Variants in AGBL5 observed in about 807,000 individuals in gnomAD.
The protein encoded by AGBL5 is AGBL carboxypeptidase 5.
A neutral mutation model predicts 88.0 loss-of-function variants in AGBL5; 51 were observed. That is an observed-to-expected ratio of 0.58 (90% CI 0.46 to 0.73). AGBL5 has a LOEUF of 0.73. Among genes scored for constraint, AGBL5 ranks in the 30% least tolerant of loss-of-function variants. AGBL5 has a pLI of 0.00. For missense variants in AGBL5, 1,031 were observed against 1,162.2 expected, an observed-to-expected ratio of 0.89 and a Z score of 1.64; for synonymous variants, 446 against 438.8, an observed-to-expected ratio of 1.02 and a Z score of -0.21.
intron 1 of AGBL5, chr2:27,052,524 A>G (rs905690373): frequency 6.5e-6 from 1 of 154,032 alleles, no homozygotes; most frequent in African/African-American, 2.4e-5. Flanking sequence ...GCCCATCTCT[A>G]AAGGTGGCCA....
chr2:27,055,625 T>C, intron 6 of AGBL5, 57 bp from the exon 7 acceptor site: 5 of 1,488,840 alleles, frequency 3.4e-6, no homozygotes, highest in Non-Finnish European at 4.6e-6. Flanking sequence ...TCTACACTAG[T>C]GTCTCCTTCA....
chr2:27,056,605 C>T lies in AGBL5; in HGVS notation c.1366-18C>T. The T allele has an allele frequency of 6.3e-7, 1 of 1,583,224 alleles. No individual in the cohort carries two copies. The highest frequency in any genetic ancestry group is 1.1e-5 in the South Asian group (1 of 87,838). Reference sequence around the variant, plus strand: ...CCTTCTGTCTCTCCTTCTGAGTTGACTTTTCTTCCCCAAACAGGTGGAAAA... The same window carrying T: ...CCTTCTGTCTCTCCTTCTGAGTTGATTTTTCTTCCCCAAACAGGTGGAAAA... On this transcript the variant is annotated intron_variant, in intron 7 of 14. Coordinates refer to ENST00000360131, the MANE Select transcript of AGBL5 (RefSeq NM_021831.6).
At chr2:27,068,600 C>T (rs1669110644) in intron 12 of AGBL5, 32 bp from the exon 13 acceptor site, 2 of 1,602,628 alleles carry the variant, frequency 1.2e-6, no homozygotes, top group Non-Finnish European at 8.5e-7. Flanking sequence ...TCTCTGTGAC[C>T]CCTACCCTGA....
intron 4 of AGBL5, chr2:27,054,309 A>G: frequency 1.8e-6 from 1 of 555,316 alleles, no homozygotes. Flanking sequence ...GCTCCCATTA[A>G]TTATCCAGAG....
intron 1 of AGBL5, chr2:27,052,372 A>C (rs1040636874): frequency 6.6e-6 from 1 of 152,340 alleles, no homozygotes; most frequent in Non-Finnish European, 1.5e-5. Flanking sequence ...CAGCCCTTCC[A>C]GGGCTCAGGG....
intron 11 of AGBL5, among the ~76,000 whole-genome samples, chr2:27,067,150 G>A (rs1558424551): frequency 6.6e-6 from 1 of 151,822 alleles, no homozygotes; most frequent in Non-Finnish European, 1.5e-5. Context: ...CTGCTCAGGA[G>A]GCTAGGTGGG....
Position 27,070,169 on chromosome 2 carries a change from C to T in AGBL5, c.2567C>T (p.Pro856Leu), listed in dbSNP as rs1020988176. The T allele has an allele frequency of 7.4e-6, 12 of 1,614,124 alleles. No homozygotes were observed. In the East Asian group the frequency reaches 2.2e-4, roughly 30 times the overall value. The stretch of plus-strand genomic sequence containing the variant: ...ATATCCTGTAGTCTATCTGACTCCC[C>T]ATCCTGGAATTGTTACAGCAGGGGT... ...SPISCSLSDS[P>L]SWNCYSRGPL... The change falls in exon 15 of 15, where the codon CCA becomes CTA. Residue 856 changes from proline (P) to leucine (L), a missense_variant. Physicochemically the swap from Pro to Leu is moderately conservative, Grantham distance 98 (BLOSUM62 -3). This residue lies in a region of AGBL5 where 491 missense variants were observed against 484.0 expected (regional missense o/e 1.01). Coordinates refer to ENST00000360131, the MANE Select transcript of AGBL5 (RefSeq NM_021831.6).
At position 27,053,733 on chromosome 2, in the gene AGBL5, G is replaced by A. The variant is rs993361676; in HGVS notation, c.387+160G>A. ...TAGCTAGAGTCCAAGATGAGCCCCT[G>A]CCTCAGGAAGCCTAGAAGGAGCCAC... On this transcript the variant is annotated intron_variant, in intron 3 of 14. Coordinates refer to ENST00000360131, the MANE Select transcript of AGBL5 (RefSeq NM_021831.6). The surrounding 1 kb of genome is among the most constrained non-coding windows in gnomAD (Gnocchi z 4.9). The A allele has an allele frequency of 2.0e-5, 27 of 1,349,166 alleles. No individual in the cohort carries two copies. In the Admixed American group the frequency reaches 6.8e-4, roughly 34 times the overall value. 83.6% of individuals were successfully genotyped at this position (1,349,166 alleles called of 1,614,324 possible). A position where few individuals can be genotyped will look rare whatever the true frequency, so the allele number is the denominator to read the frequency against.
chr2:27,058,072 CGTCTCAAAAAAAAAAAAAA>C, intron 9 of AGBL5, among the ~76,000 whole-genome samples: 1 of 149,688 alleles, frequency 6.7e-6, no homozygotes, highest in Non-Finnish European at 1.5e-5. Context: ...ATCAAGATGC[CGTCTCAAAAAAAAAAAAAA>C]GTAGATCTGT....
intron 13 of AGBL5, chr2:27,069,222 G>T: frequency 1.5e-6 from 2 of 1,351,040 alleles, no homozygotes; most frequent in Non-Finnish European, 1.9e-6. Flanking sequence ...ACACTGCTCT[G>T]GCAGGGGCTA....
intron 12 of AGBL5, 108 bp from the exon 13 acceptor site, chr2:27,068,524 T>G: frequency 1.1e-6 from 1 of 905,714 alleles, no homozygotes; most frequent in Middle Eastern, 2.2e-4. Context: ...GATAAAGAAT[T>G]ATCCAACCCA....
intron 14 of AGBL5, 106 bp downstream of exon 14, chr2:27,069,812 A>G (rs563946893): frequency 6.7e-7 from 1 of 1,497,964 alleles, no homozygotes; most frequent in Admixed American, 2.4e-5. Context: ...TTTTGAGCAC[A>G]AAGACTAAAT....
intron 1 of AGBL5, chr2:27,052,192 T>C (rs1466031250): frequency 6.6e-6 from 1 of 152,336 alleles, no homozygotes. Flanking sequence ...AGGGTAGCTT[T>C]CTCAGGGTGC....
intron 12 of AGBL5, 173 bp downstream of exon 12, chr2:27,067,819 TA>T: frequency 1.3e-6 from 1 of 752,884 alleles, no homozygotes; most frequent in Admixed American, 2.0e-5. Context: ...GTCTGTGTAA[TA>T]AAACAATAGT....
At chr2:27,068,506 C>T (rs1045996095) in intron 12 of AGBL5, 126 bp from the exon 13 acceptor site, 6 of 733,714 alleles carry the variant, frequency 8.2e-6, no homozygotes, top group African/African-American at 1.8e-5. Flanking sequence ...CACAAGACTA[C>T]TCCCCACGAT....
In AGBL5 at chr2:27,054,824, T is replaced by G; in HGVS notation, c.729+17T>G. On this transcript the variant is annotated intron_variant, in intron 5 of 14. Transcript: ENST00000360131. ...GGCAAGAGGGTGAGTGGAAATAGCA[T>G]AAAGGTAGTTCTTTGGCTTTTCTCT... 1.2e-6 allele frequency: 2 copies of G among 1,607,348 alleles called. No homozygotes were observed. Among genetic ancestry groups the G allele is most frequent in the Non-Finnish European group, 1.7e-6 (2 of 1,177,248 alleles).
intron 6 of AGBL5, 180 bp from the exon 7 acceptor site, chr2:27,055,502 T>G: frequency 1.2e-6 from 1 of 800,074 alleles, no homozygotes; most frequent in East Asian, 2.7e-5. Context: ...TCCTTAGGGT[T>G]CTATGGTAAG....
Position 27,056,709 on chromosome 2 carries a change from G to A in AGBL5, c.1452G>A (p.Met484Ile). Residue 484 changes from methionine to isoleucine, a missense_variant, in exon 8 of 15, where the codon ATG becomes ATA. Transcript: ENST00000360131. ...FQGCNFSEKN[M>I]YARDRRDGQS... ...GCTGCAATTTCTCAGAGAAGAATAT[G>A]TATGCCCGAGACCGTAGAGATGGCC... 1 of 1,613,882 alleles carries A rather than the reference G, an allele frequency of 6.2e-7. No individual in the cohort carries two copies. The highest frequency in any genetic ancestry group is 1.7e-5 in the Admixed American group (1 of 59,996).
chr2:27,050,541 G>A (rs1279587564), upstream of AGBL5, among the ~76,000 whole-genome samples: 1 of 152,248 alleles, frequency 6.6e-6, no homozygotes, highest in Non-Finnish European at 1.5e-5. Flanking sequence ...CGGGGTGTTG[G>A]GAACATTTTG....
Sources: allele counts gnomAD v4.1 joint callset (sites outside exome capture counted in the v4.1 genomes callset), GRCh38; gene constraint gnomAD v4.1.1; regional missense constraint gnomAD v4.1.1; non-coding constraint Gnocchi (gnomAD v3.1); transcripts MANE v1.5; gene names NCBI Gene and HGNC (gene_info 2026-07-23, HGNC 2026-07-21).